The following CSNK2A1 variants were observed in gnomAD, a reference collection of about 807,000 sequenced individuals.
The protein encoded by CSNK2A1 is casein kinase 2 alpha 1.
CSNK2A1 carries 10 observed loss-of-function variants against 62.9 expected under a neutral mutation model. The observed-to-expected ratio is 0.16, with a 90% CI of 0.10 to 0.27. The LOEUF (loss-of-function observed/expected upper bound fraction) is 0.27. Ranked by LOEUF, CSNK2A1 falls within the 10% of genes least tolerant of loss-of-function variation. The pLI, the probability that CSNK2A1 is intolerant of heterozygous loss-of-function variation, is 1.00. For missense variants in CSNK2A1, 160 were observed against 492.0 expected (o/e 0.33, Z 6.38); for synonymous variants, 124 against 167.8 (o/e 0.74, Z 2.02).
At position 492,380 on chromosome 20, in the gene CSNK2A1, C is replaced by T. The variant is rs1011711423; in HGVS notation, c.511-16G>A. ...TTAGTCGTAGCTGAAAAAGAATAAA[C>T]CATGAGCAATCTTATCTTTCTCTAA... On this transcript the variant is annotated splice_polypyrimidine_tract_variant and intron_variant, in intron 8 of 13. Coordinates refer to ENST00000217244, the MANE Select transcript of CSNK2A1 (RefSeq NM_177559.3). The T allele has an allele frequency of 6.2e-7, 1 of 1,612,864 alleles. No individual in the cohort carries two copies. Among genetic ancestry groups the T allele is most frequent in the Non-Finnish European group, 8.5e-7 (1 of 1,179,012 alleles).
chr20:496,868 T>G (rs796266658), intron 7 of CSNK2A1: 3 of 152,328 alleles, frequency 2.0e-5, no homozygotes, highest in African/African-American at 7.2e-5. Flanking sequence ...ATTTACACAA[T>G]CCTTAGGACA....
intron 9 of CSNK2A1, among the ~76,000 whole-genome samples, chr20:490,971 A>G (rs2018221564): frequency 1.3e-5 from 2 of 151,540 alleles, no homozygotes; most frequent in Non-Finnish European, 1.5e-5. Flanking sequence ...TTTATTACAT[A>G]AATGTTTCAG....
At chr20:487,128 G>C in intron 12 of CSNK2A1, 1 of 373,476 alleles carries the variant, frequency 2.7e-6, no homozygotes, top group African/African-American at 2.0e-5. Context: ...ACTAGGGACA[G>C]GAAAGATACA....
rs773390884 is a variant in CSNK2A1, at chr20:508,546, C to T, written c.6G>A (p.Ser2=). Residue 2 remains serine, a synonymous_variant, in exon 3 of 14, where the codon TCG becomes TCA. Coordinates refer to ENST00000217244, the MANE Select transcript of CSNK2A1 (RefSeq NM_177559.3). ...CTCTGGCCCTGCTTGGCACGGGTCCCGACATGTCAGACAGGTTGGCGGACA... is the reference window on the plus strand; with the variant it reads ...CTCTGGCCCTGCTTGGCACGGGTCCTGACATGTCAGACAGGTTGGCGGACA... M[S]GPVPSRARVY... 1.5e-5 allele frequency: 24 copies of T among 1,612,824 alleles called. No individual in the cohort carries two copies. Among genetic ancestry groups the T allele is most frequent in the Non-Finnish European group, 1.9e-5 (22 of 1,179,412 alleles).
At chr20:542,967 A>G (rs1290037852) in intron 1 of CSNK2A1, 1 of 152,368 alleles carries the variant, frequency 6.6e-6, no homozygotes, top group Non-Finnish European at 1.5e-5. Flanking sequence ...TGCAAAAAAC[A>G]CACAACGAAA....
chr20:487,734 C>T, intron 11 of CSNK2A1, 159 bp from the exon 12 acceptor site: 1 of 898,316 alleles, frequency 1.1e-6, no homozygotes, highest in Non-Finnish European at 1.7e-6. Context: ...CTGAGTGGGA[C>T]AACAAAGCTA....
intron 12 of CSNK2A1, 46 bp downstream of exon 12, chr20:487,381 G>A: frequency 8.1e-6 from 13 of 1,611,904 alleles, no homozygotes; most frequent in Non-Finnish European, 1.0e-5. Context: ...TGTTCTATAG[G>A]ACTCTGCGCC....
intron 13 of CSNK2A1, among the ~76,000 whole-genome samples, chr20:485,246 C>T (rs538919646): frequency 6.9e-4 from 103 of 150,108 alleles, no homozygotes; most frequent in African/African-American, 1.5e-3. Flanking sequence ...GGCAACGGTG[C>T]GATCTCGGCT....
intron 1 of CSNK2A1, among the ~76,000 whole-genome samples, chr20:533,267 T>A (rs927771344): frequency 8.5e-5 from 13 of 152,230 alleles, no homozygotes; most frequent in African/African-American, 3.1e-4. Flanking sequence ...CTGGTTTGAT[T>A]AAGGCTTCGA....
chr20:502,287 T>C (rs2018487055), intron 4 of CSNK2A1: 1 of 152,228 alleles, frequency 6.6e-6, no homozygotes, highest in South Asian at 2.1e-4. Flanking sequence ...GCTTCAACTA[T>C]TCAGATCTTT....
rs1324193695 is a variant in CSNK2A1, at chr20:486,390, G to C, written c.1046C>G (p.Ala349Gly). ...MPGGSTPVSS[A>G]NMMSGISSVP... ...AATGAACTGACCTGACATCATATTGGCGCTGCTGACGGGCGTACTGCCCCC... is the reference window on the plus strand; with the variant it reads ...AATGAACTGACCTGACATCATATTGCCGCTGCTGACGGGCGTACTGCCCCC... The change falls in exon 13 of 14, where the codon GCC becomes GGC. Residue 349 changes from alanine (A) to glycine (G), a missense_variant. Ala to Gly is a moderately conservative substitution (Grantham distance 60). Around this residue, in one of 3 missense-constraint regions of CSNK2A1, gnomAD observed 51 missense variants for 108.8 expected, o/e 0.47. Coordinates refer to ENST00000217244, the MANE Select transcript of CSNK2A1 (RefSeq NM_177559.3). 1 of 1,613,364 alleles carries C rather than the reference G, an allele frequency of 6.2e-7. No individual in the cohort carries two copies. The highest frequency in any genetic ancestry group is 8.5e-7 in the Non-Finnish European group (1 of 1,179,868).
At chr20:485,084 AAAAAAAAAAAAAAAAAAAAAAAAAAATAT>A (rs1191059741) in intron 13 of CSNK2A1, among the ~76,000 whole-genome samples, 1 of 38,164 alleles carries the variant, frequency 2.6e-5, no homozygotes, top group Non-Finnish European at 4.8e-5. Context: ...AAAAAAAAAA[AAAAAAAAAAAAAAAAAAAAAAAAAAATAT>A]ATATATATAT....
chr20:522,820 C>A (rs2018979599), intron 2 of CSNK2A1, among the ~76,000 whole-genome samples: 1 of 152,114 alleles, frequency 6.6e-6, no homozygotes, highest in Non-Finnish European at 1.5e-5. Flanking sequence ...ATCCTCCTGC[C>A]CCAGCCTCCT....
At position 478,856 on chromosome 20, in the gene CSNK2A1, G is replaced by T. The variant is rs533274037; in HGVS notation, c.*5105C>A. On this transcript the variant is annotated 3_prime_UTR_variant, in exon 14 of 14. Coordinates refer to ENST00000217244, the MANE Select transcript of CSNK2A1 (RefSeq NM_177559.3). ...TTGGGAGGATCACCTGAGCCTGGGA[G>T]GTTGAGGCTGCAGTGAGCTGTGATG... 8 of 262,754 alleles carry T rather than the reference G, an allele frequency of 3.0e-5. No homozygotes were observed. The highest frequency in any genetic ancestry group is 1.7e-4 in the African/African-American group (7 of 42,348). The allele number at this position is 262,754 out of a possible 1,614,324, so 16.3% of individuals were successfully genotyped here. A position where few individuals can be genotyped will look rare whatever the true frequency, so the allele number is the denominator to read the frequency against.
intron 1 of CSNK2A1, among the ~76,000 whole-genome samples, chr20:531,582 G>T (rs6107490): frequency 0.018 from 2,677 of 151,048 alleles, 83 homozygotes; most frequent in African/African-American, 0.06. Flanking sequence ...ATTTTTTTTT[G>T]AAGAAAAAAA....
Position 505,073 on chromosome 20 carries a change from A to G in CSNK2A1, c.213+45T>C, listed in dbSNP as rs181461026. The G allele has an allele frequency of 5.9e-4, 888 of 1,501,552 alleles. 5 individuals are homozygous for G. The African/African-American group carries it at 0.011, about 19-fold the overall frequency. 93.0% of individuals were successfully genotyped at this position (1,501,552 alleles called of 1,614,324 possible). ...AAAAAAGTCTTCAAAACTACTTTTA[A>G]AAATCTATATTCCAAATACCTCTGA... On this transcript the variant is annotated intron_variant, in intron 4 of 13. Transcript: ENST00000217244.
At chr20:529,915 C>A (rs1483557571) in intron 1 of CSNK2A1, among the ~76,000 whole-genome samples, 1 of 152,086 alleles carries the variant, frequency 6.6e-6, no homozygotes, top group Non-Finnish European at 1.5e-5. Flanking sequence ...AATATATTTC[C>A]CACAGATGGC....
chr20:527,185 C>T (rs896523704), intron 2 of CSNK2A1, among the ~76,000 whole-genome samples: 2 of 152,186 alleles, frequency 1.3e-5, no homozygotes, highest in Non-Finnish European at 2.9e-5. Flanking sequence ...GACAATATCA[C>T]GAACAACTTT....
chr20:488,605 T>C (rs1165031246), intron 11 of CSNK2A1, 73 bp downstream of exon 11: 1 of 1,433,312 alleles, frequency 7.0e-7, no homozygotes. Flanking sequence ...ATAACTATTT[T>C]GAAGATCCTA....
Sources: allele counts gnomAD v4.1 joint callset (sites outside exome capture counted in the v4.1 genomes callset), GRCh38; gene constraint gnomAD v4.1.1; regional missense constraint gnomAD v4.1.1; transcripts MANE v1.5; gene names NCBI Gene and HGNC (gene_info 2026-07-23, HGNC 2026-07-21).